AAMDC: variants seen among roughly 807,000 people sequenced by gnomAD.
AAMDC encodes adipogenesis associated Mth938 domain containing, also known as mth938 domain-containing protein.
AAMDC carries 16 observed loss-of-function variants against 15.5 expected under a neutral mutation model. The ratio of observed to expected loss-of-function variants is 1.03; its 90% CI spans 0.70 to 1.57. The LOEUF (loss-of-function observed/expected upper bound fraction) is 1.57, where lower values mean the gene tolerates loss of function less well. Ranked by LOEUF, AAMDC falls within the 40% of genes most tolerant of loss-of-function variation. AAMDC has a pLI of 0.00. For missense variants in AAMDC, 141 were observed against 144.9 expected (o/e 0.97, Z 0.14); for synonymous variants, 51 against 51.6 (o/e 0.99, Z 0.05).
At chr11:77,903,917 C>T (rs1314671647), downstream of AAMDC, among the ~76,000 whole-genome samples, 1 of 152,182 alleles carries the variant, frequency 6.6e-6, no homozygotes, top group Non-Finnish European at 1.5e-5. Flanking sequence ...AATGCGCAGG[C>T]AAGCCAGCTT....
chr11:77,866,054 C>T (rs1209370288), intron 2 of AAMDC, among the ~76,000 whole-genome samples: 3 of 152,198 alleles, frequency 2.0e-5, no homozygotes, highest in African/African-American at 7.2e-5. Context: ...CTGCTTTTAT[C>T]AGCAATACAG....
At chr11:77,891,423 C>G (rs1044911) in intron 5 of AAMDC, 56 of 1,613,508 alleles carry the variant, frequency 3.5e-5, no homozygotes, top group Non-Finnish European at 8.5e-7. Flanking sequence ...TTGTCTGACT[C>G]GCCCGCTGGC....
chr11:77,829,981 T>C (rs1949347962), intron 1 of AAMDC: 1 of 152,110 alleles, frequency 6.6e-6, no homozygotes, highest in Non-Finnish European at 1.5e-5. Flanking sequence ...AATTCTTTTT[T>C]ATAGCCAGAC....
intron 1 of AAMDC, among the ~76,000 whole-genome samples, chr11:77,821,831 G>GAAGC (rs533478311): frequency 6.6e-6 from 1 of 152,136 alleles, no homozygotes; most frequent in Non-Finnish European, 1.5e-5. Context: ...GTTATGCTTA[G>GAAGC]AAGCCTGAGC....
chr11:77,836,918 T>C (rs1949706278), intron 1 of AAMDC, among the ~76,000 whole-genome samples: 1 of 152,004 alleles, frequency 6.6e-6, no homozygotes, highest in South Asian at 2.1e-4. Context: ...TGAGCCAAGA[T>C]CGCGCCATTG....
intron 5 of AAMDC, among the ~76,000 whole-genome samples, chr11:77,878,255 A>G (rs746236465): frequency 7.2e-5 from 11 of 151,948 alleles, no homozygotes; most frequent in Admixed American, 1.3e-4. Flanking sequence ...CCACCTACTC[A>G]GGAGGCTGAG....
intron 1 of AAMDC, among the ~76,000 whole-genome samples, chr11:77,834,963 G>A (rs571175527): frequency 2.0e-5 from 3 of 152,092 alleles, no homozygotes; most frequent in Admixed American, 6.5e-5. Context: ...AGAGTAGTCC[G>A]AAGGGTATCC....
At chr11:77,841,337 A>G (rs1949922602) in intron 1 of AAMDC, 2 of 660,032 alleles carry the variant, frequency 3.0e-6, no homozygotes, top group African/African-American at 1.8e-5. Flanking sequence ...CCCATGCAAT[A>G]TGTGTCTACT....
At chr11:77,882,533 G>C (rs1410415979) in intron 5 of AAMDC, among the ~76,000 whole-genome samples, 2 of 152,226 alleles carry the variant, frequency 1.3e-5, no homozygotes, top group Non-Finnish European at 2.9e-5. Flanking sequence ...TTCAGCAGAA[G>C]ATATTAGAAT....
At chr11:77,884,019 A>G (rs1951893231) in intron 5 of AAMDC, 1 of 1,524,366 alleles carries the variant, frequency 6.6e-7, no homozygotes, top group Non-Finnish European at 9.0e-7. Flanking sequence ...GGATGATGAC[A>G]TCTGTTGTGA....
chr11:77,828,598 G>A lies in AAMDC; in HGVS notation c.-19+7357G>A, dbSNP rs184463400. Among the ~76,000 whole-genome samples, 956 of 151,404 alleles carry A rather than the reference G, an allele frequency of 6.3e-3. 10 individuals are homozygous for A. Among genetic ancestry groups the A allele is most frequent in the Admixed American group, 0.024 (365 of 15,208 alleles). On this transcript the variant is annotated intron_variant, in intron 1 of 3. Coordinates refer to ENST00000393427, the MANE Select transcript of AAMDC (RefSeq NM_024684.4). ...CGGCGGAAGAATGGCGTGAACCCGG[G>A]AGGTGGAGCTTGCAGTGAGCCAAGA...
chr11:77,838,773 C>T (rs542865799), intron 1 of AAMDC, among the ~76,000 whole-genome samples: 2 of 152,118 alleles, frequency 1.3e-5, no homozygotes, highest in South Asian at 2.1e-4. Context: ...CCCACCACTG[C>T]GCCCAGCTAT....
At chr11:77,871,468 A>T (rs1951427294) in intron 3 of AAMDC, among the ~76,000 whole-genome samples, 1 of 152,218 alleles carries the variant, frequency 6.6e-6, no homozygotes, top group Non-Finnish European at 1.5e-5. Context: ...AAAACTAGAC[A>T]ACTTCAGATA....
chr11:77,897,867 A>T (rs902555015), intron 5 of AAMDC, among the ~76,000 whole-genome samples: 15 of 152,026 alleles, frequency 9.9e-5, no homozygotes, highest in African/African-American at 3.6e-4. Flanking sequence ...GGAGTGCAAT[A>T]GCATGATCAT....
chr11:77,842,979 T>A (rs183845398), intron 2 of AAMDC, among the ~76,000 whole-genome samples: 2 of 152,228 alleles, frequency 1.3e-5, no homozygotes, highest in African/African-American at 4.8e-5. Flanking sequence ...TCTGTTGTTA[T>A]AGATATGCCT....
chr11:77,894,710 A>G (rs770535690), intron 5 of AAMDC, among the ~76,000 whole-genome samples: 2 of 152,202 alleles, frequency 1.3e-5, no homozygotes, highest in East Asian at 3.8e-4. Context: ...CTCAGCTAGT[A>G]TGGTCTCTAT....
At chr11:77,876,962 C>G (rs944447436), downstream of AAMDC, 2 of 703,196 alleles carry the variant, frequency 2.8e-6, no homozygotes, top group African/African-American at 1.7e-5. Flanking sequence ...TCCAACCCAG[C>G]AGCTGCCATC....
intron 5 of AAMDC, among the ~76,000 whole-genome samples, chr11:77,887,609 T>C (rs1159218526): frequency 6.6e-6 from 1 of 152,094 alleles, no homozygotes; most frequent in Non-Finnish European, 1.5e-5. Flanking sequence ...GGGTATTCAA[T>C]TAGGAAAAGA....
intron 2 of AAMDC, among the ~76,000 whole-genome samples, chr11:77,861,958 C>A (rs1433777759): frequency 1.3e-5 from 2 of 152,222 alleles, no homozygotes; most frequent in Non-Finnish European, 2.9e-5. Context: ...GCCTTCAGTA[C>A]AGTCAGGTGA....
Sources: gnomAD v4.1 joint callset for allele counts (sites outside exome capture counted in the v4.1 genomes callset) on GRCh38, gnomAD v4.1.1 for gene constraint, MANE v1.5 for transcripts, NCBI Gene and HGNC (gene_info 2026-07-23, HGNC 2026-07-21) for gene names.